UBR3: variants seen among roughly 807,000 people sequenced by gnomAD.
The protein encoded by UBR3 is ubiquitin protein ligase E3 component n-recognin 3.
Under a neutral mutation model 243.2 loss-of-function variants are expected in UBR3, and 85 were observed. The observed-to-expected ratio is 0.35, with a 90% CI of 0.29 to 0.42. The LOEUF (loss-of-function observed/expected upper bound fraction) is 0.42, where lower values mean the gene tolerates loss of function less well. Among genes scored for constraint, UBR3 ranks in the 10% least tolerant of loss-of-function variants. The pLI, the probability that UBR3 is intolerant of heterozygous loss-of-function variation, is 1.00. For missense variants in UBR3, 1,686 were observed against 2,300.8 expected (o/e 0.73, Z 5.47); for synonymous variants, 748 against 799.8 (o/e 0.94, Z 1.09).
intron 11 of UBR3, among the ~76,000 whole-genome samples, chr2:169,923,153 A>G (rs1162350020): frequency 6.6e-6 from 1 of 152,358 alleles, no homozygotes; most frequent in East Asian, 1.9e-4. Flanking sequence ...TAATATTTAC[A>G]GGAATGCCTA....
chr2:170,044,810 C>T (rs192935284), intron 32 of UBR3, among the ~76,000 whole-genome samples: 128 of 152,252 alleles, frequency 8.4e-4, no homozygotes, highest in African/African-American at 2.8e-3. Flanking sequence ...GAGTTCTAGC[C>T]ATCACAGTCT....
At chr2:170,060,293 T>C (rs1163975134) in intron 33 of UBR3, among the ~76,000 whole-genome samples, 1 of 152,144 alleles carries the variant, frequency 6.6e-6, no homozygotes, top group African/African-American at 2.4e-5. Context: ...CTTATTGACA[T>C]AAATTTGAAT....
At chr2:169,995,877 C>A (rs868040151) in intron 26 of UBR3, among the ~76,000 whole-genome samples, 21 of 151,984 alleles carry the variant, frequency 1.4e-4, no homozygotes, top group Admixed American at 1.3e-3. Flanking sequence ...TTGATGTTTC[C>A]TGAGTGGATT....
In UBR3 at chr2:169,924,156, C is replaced by T. The variant is rs896959698; in HGVS notation, c.2005C>T (p.His669Tyr). 42 of 1,546,068 alleles carry T rather than the reference C, an allele frequency of 2.7e-5. No homozygotes were observed. Among genetic ancestry groups the T allele is most frequent in the Non-Finnish European group, 3.5e-5 (40 of 1,145,460 alleles). The change falls in exon 13 of 39, where the codon CAC becomes TAC. Residue 669 changes from histidine (H) to tyrosine (Y), a missense_variant. Coordinates refer to ENST00000272793, the MANE Select transcript of UBR3 (RefSeq NM_172070.4). ...GGAAATGTTAATGAAACTAATGATT[C>T]ACCCACTCCAAATTCAAGTATGTAT... is the stretch of plus-strand genomic sequence containing the variant. ...DQEMLMKLMI[H>Y]PLQIQASLAE... is the part of the protein sequence containing the mutation.
intron 24 of UBR3, among the ~76,000 whole-genome samples, chr2:169,976,411 G>T (rs1197355444): frequency 6.6e-6 from 1 of 151,894 alleles, no homozygotes; most frequent in Non-Finnish European, 1.5e-5. Flanking sequence ...CCACATGCAG[G>T]ACTCTCCTGA....
intron 1 of UBR3, among the ~76,000 whole-genome samples, chr2:169,829,814 TAC>T (rs10530118): frequency 0.11 from 16,764 of 149,032 alleles, 1,506 homozygotes; most frequent in African/African-American, 0.26. Flanking sequence ...AGCTAAAAAG[TAC>T]ACACACACAC....
chr2:169,951,079 G>T (rs2087007817), intron 23 of UBR3, among the ~76,000 whole-genome samples: 1 of 152,074 alleles, frequency 6.6e-6, no homozygotes, highest in Non-Finnish European at 1.5e-5. Flanking sequence ...AATTATAGGG[G>T]AAGGGTACAC....
In UBR3 at chr2:170,028,494, T is replaced by C. The variant is rs148587637; in HGVS notation, c.4454-852T>C. Among the ~76,000 whole-genome samples, 1,183 of 151,960 alleles carry C rather than the reference T, an allele frequency of 7.8e-3. 13 individuals carry two copies. Among genetic ancestry groups the C allele is most frequent in the African/African-American group, 0.026 (1,069 of 41,542 alleles). ...TAATCATATGTTAAGAAGTATCATA[T>C]CTGATTTTGTAAAATATGACTTTTG... On this transcript the variant is annotated intron_variant, in intron 30 of 38. Coordinates refer to ENST00000272793, the MANE Select transcript of UBR3 (RefSeq NM_172070.4).
intron 18 of UBR3, among the ~76,000 whole-genome samples, chr2:169,931,886 AG>A (rs2086145875): frequency 6.6e-6 from 1 of 152,144 alleles, no homozygotes; most frequent in South Asian, 2.1e-4. Flanking sequence ...TAAAATGAAA[AG>A]CTTTATATAC....
In UBR3 at chr2:169,878,561, A is replaced by C; in HGVS notation, c.1025A>C (p.Asp342Ala). Reference protein sequence around the residue: ...IGATGTLGQVDSSDEDDQDGS... With the variant: ...IGATGTLGQVASSDEDDQDGS... ...GCAACAGGAACTTTGGGACAAGTGG[A>C]TTCTTCAGATGAGGTGAGATTTAAA... The change falls in exon 5 of 39, where the codon GAT becomes GCT. Residue 342 changes from aspartate (D) to alanine (A), a missense_variant. Transcript: ENST00000272793. 6.4e-7 allele frequency: 1 copy of C among 1,551,252 alleles called. No homozygotes were observed. The highest frequency in any genetic ancestry group is 8.7e-7 in the Non-Finnish European group (1 of 1,146,672).
In UBR3 at chr2:169,896,352, A is replaced by G. The variant is rs1039690425; in HGVS notation, c.1237-155A>G. ...ATTTTGCAAATGTTCCAAAAAAGTG[A>G]AAGACTACCTCACCATCGAGATTTT... is the stretch of plus-strand genomic sequence containing the variant. On this transcript the variant is annotated intron_variant, in intron 7 of 38. Coordinates refer to ENST00000272793, the MANE Select transcript of UBR3 (RefSeq NM_172070.4). Among the ~76,000 whole-genome samples, 3 of 152,132 alleles carry G rather than the reference A, an allele frequency of 2.0e-5. No homozygotes were observed. In the East Asian group the frequency reaches 5.8e-4, roughly 29 times the overall value.
At chr2:169,930,209 C>G (rs1350766561) in intron 18 of UBR3, among the ~76,000 whole-genome samples, 1 of 152,062 alleles carries the variant, frequency 6.6e-6, no homozygotes, top group Non-Finnish European at 1.5e-5. Flanking sequence ...ATCAGAATCT[C>G]TGTGGGTGAA....
In UBR3 at chr2:169,917,718, C is replaced by T. The variant is rs189582325; in HGVS notation, c.1866+3572C>T. Among the ~76,000 whole-genome samples the T allele has an allele frequency of 1.1e-4, 17 of 151,914 alleles. No individual in the cohort carries two copies. In the East Asian group the frequency reaches 3.1e-3, roughly 28 times the overall value. On this transcript the variant is annotated intron_variant, in intron 11 of 38. Transcript: ENST00000272793. ...TTATTTATTTATTTATTATTTTTTT[C>T]GAGATGGAGTTTTTGCTCTTGTTGC...
In UBR3 at chr2:169,841,966, G is replaced by C. The variant is rs187775572; in HGVS notation, c.545+13914G>C. On this transcript the variant is annotated intron_variant, in intron 1 of 38. Coordinates refer to ENST00000272793, the MANE Select transcript of UBR3 (RefSeq NM_172070.4). ...GCAGCTCCACCTGTAGCCCCGGTGC[G>C]GGATCCACTAGGTGAAGCCAGCTGG... Among the ~76,000 whole-genome samples, 1,181 of 152,324 alleles carry C rather than the reference G, an allele frequency of 7.8e-3. 13 individuals are homozygous for C. Among genetic ancestry groups the C allele is most frequent in the African/African-American group, 0.026 (1,069 of 41,578 alleles).
intron 24 of UBR3, among the ~76,000 whole-genome samples, chr2:169,979,109 A>T (rs2088601198): frequency 6.6e-6 from 1 of 152,260 alleles, no homozygotes; most frequent in Admixed American, 6.5e-5. Context: ...ATCTGAACAG[A>T]CACCTTACAA....
chr2:169,890,536 G>GATATATATAT (rs1396382870), intron 5 of UBR3, among the ~76,000 whole-genome samples: 2 of 53,630 alleles, frequency 3.7e-5, no homozygotes, highest in African/African-American at 8.4e-5. Context: ...GAGAGAGAGA[G>GATATATATAT]AGAGATATAT....
At chr2:170,010,795 C>G (rs929201334) in intron 29 of UBR3, among the ~76,000 whole-genome samples, 3 of 152,212 alleles carry the variant, frequency 2.0e-5, no homozygotes, top group Admixed American at 1.3e-4. Flanking sequence ...TTATCTTTTG[C>G]TTGGAATTCC....
intron 9 of UBR3, among the ~76,000 whole-genome samples, chr2:169,905,505 G>C (rs1240984484): frequency 6.6e-6 from 1 of 152,088 alleles, no homozygotes; most frequent in Non-Finnish European, 1.5e-5. Flanking sequence ...AGAAACAGGA[G>C]TATAACTTTT....
At chr2:169,879,566 C>T (rs1008249369) in intron 5 of UBR3, among the ~76,000 whole-genome samples, 1 of 152,030 alleles carries the variant, frequency 6.6e-6, no homozygotes, top group African/African-American at 2.4e-5. Context: ...GCTCCTTTAC[C>T]TATTAGTAGT....
Sources: allele counts gnomAD v4.1 joint callset (sites outside exome capture counted in the v4.1 genomes callset), GRCh38; gene constraint gnomAD v4.1.1; transcripts MANE v1.5; gene names NCBI Gene and HGNC (gene_info 2026-07-23, HGNC 2026-07-21).